The following EMP2 variants were observed in gnomAD, a reference collection of about 807,000 sequenced individuals.
EMP2 encodes epithelial membrane protein 2.
A neutral mutation model predicts 13.7 loss-of-function variants in EMP2; 19 were observed. The ratio of observed to expected loss-of-function variants is 1.38; its 90% CI spans 0.97 to 2.03. EMP2 has a LOEUF of 2.03. Ranked by LOEUF, EMP2 falls within the 30% of genes most tolerant of loss-of-function variation. The pLI is 0.00. For missense variants in EMP2, 253 were observed against 220.7 expected (o/e 1.15, Z -0.93); for synonymous variants, 97 against 84.7 (o/e 1.15, Z -0.80).
At chr16:10,560,972 G>C (rs1176627932) in intron 1 of EMP2, among the ~76,000 whole-genome samples, 2 of 152,218 alleles carry the variant, frequency 1.3e-5, no homozygotes, top group Admixed American at 6.5e-5. Context: ...AAGCAGAAAA[G>C]GCATGATCTG....
chr16:10,580,095 A>G lies in EMP2; in HGVS notation c.-61+454T>C, dbSNP rs1415796480. On this transcript the variant is annotated intron_variant, in intron 1 of 4. Transcript: ENST00000359543. The surrounding 1 kb of genome is among the most constrained non-coding windows in gnomAD (Gnocchi z 4.3). ...TCGCCGCTCGGGGGCGCGACGGAGCAGCGGCGGGGGCCTAGAGGGGTACGC... is the reference window on the plus strand; with the variant it reads ...TCGCCGCTCGGGGGCGCGACGGAGCGGCGGCGGGGGCCTAGAGGGGTACGC... 6.6e-6 allele frequency among the ~76,000 whole-genome samples: 1 copy of G among 152,082 alleles called. No homozygotes were observed. Among genetic ancestry groups the G allele is most frequent in the Non-Finnish European group, 1.5e-5 (1 of 68,014 alleles).
intron 1 of EMP2, among the ~76,000 whole-genome samples, chr16:10,553,007 C>T (rs143930470): frequency 1.9e-3 from 295 of 152,338 alleles, no homozygotes; most frequent in African/African-American, 6.6e-3. Flanking sequence ...TAAAGGTCTC[C>T]TATGACATCT....
chr16:10,553,363 C>T (rs978741771), intron 1 of EMP2, among the ~76,000 whole-genome samples: 47 of 152,292 alleles, frequency 3.1e-4, no homozygotes, highest in Middle Eastern at 3.4e-3. Context: ...ACCAGAGTAA[C>T]ACTCTCTGCC....
chr16:10,528,534 G>C lies in EMP2; in HGVS notation c.*4371C>G, dbSNP rs1472948075. 6.6e-6 allele frequency: 1 copy of C among 152,206 alleles called. No homozygotes were observed. The highest frequency in any genetic ancestry group is 2.4e-5 in the African/African-American group (1 of 41,438). The allele number at this position is 152,206 out of a possible 1,614,324, so 9.4% of individuals were successfully genotyped here. A position where few individuals can be genotyped will look rare whatever the true frequency, so the allele number is the denominator to read the frequency against. On this transcript the variant is annotated 3_prime_UTR_variant, in exon 5 of 5. Coordinates refer to ENST00000359543, the MANE Select transcript of EMP2 (RefSeq NM_001424.6). ...CTCAAAATGGCAGCATTCTGCCCTA[G>C]ATGTCATCACCGTTGGGAACATTAG...
intron 1 of EMP2, among the ~76,000 whole-genome samples, chr16:10,548,338 A>G (rs1043686953): frequency 2.6e-5 from 4 of 152,194 alleles, no homozygotes; most frequent in South Asian, 2.1e-4. Flanking sequence ...CCCCTACTTC[A>G]TAACAAAGCA....
chr16:10,531,751 GAATGAA>G lies in EMP2; in HGVS notation c.*1148_*1153del, dbSNP rs2050604791. The G allele has an allele frequency of 1.7e-4, 2 of 11,820 alleles. No individual in the cohort carries two copies. Among genetic ancestry groups the G allele is most frequent in the Non-Finnish European group, 4.0e-4 (2 of 5,018 alleles). The allele number at this position is 11,820 out of a possible 1,614,324, so 0.7% of individuals were successfully genotyped here. A position where few individuals can be genotyped will look rare whatever the true frequency, so the allele number is the denominator to read the frequency against. ...CATGCAAGTTATGATTTATGTTGAT[GAATGAA>G]TGAATGAATGAATGAATGAATGAAT... is the stretch of plus-strand genomic sequence containing the variant. On this transcript the variant is annotated 3_prime_UTR_variant, in exon 5 of 5. Coordinates refer to ENST00000359543, the MANE Select transcript of EMP2 (RefSeq NM_001424.6).
chr16:10,553,980 G>C (rs997263436), intron 1 of EMP2, among the ~76,000 whole-genome samples: 5 of 151,950 alleles, frequency 3.3e-5, no homozygotes, highest in Non-Finnish European at 7.4e-5. Flanking sequence ...TACTGTGTCA[G>C]CCCTGATCTT....
At chr16:10,545,266 A>G (rs1450655520) in intron 2 of EMP2, 1 of 152,272 alleles carries the variant, frequency 6.6e-6, no homozygotes, top group African/African-American at 2.4e-5. Context: ...AGATTCTAAA[A>G]GAACATTCGG....
intron 1 of EMP2, among the ~76,000 whole-genome samples, chr16:10,549,221 A>C (rs186723213): frequency 1.2e-4 from 18 of 152,344 alleles, no homozygotes; most frequent in Non-Finnish European, 1.5e-4. Context: ...GTGACATACA[A>C]GAGGAAGCAA....
rs771578210 is a variant in EMP2 at position 10,538,020 on chromosome 16, C to G, written c.224G>C (p.Cys75Ser). ...CACGAAGATGAAGAAGGCGATGCAG[C>G]AGAGAATGGTGGAGAGGATCATGGT... is the stretch of plus-strand genomic sequence containing the variant. ...QATMILSTIL[C>S]CIAFFIFVLQ... Residue 75 changes from cysteine (C) to serine (S), a missense_variant, in exon 4 of 5, where the codon TGC becomes TCC. By Grantham distance (112) the Cys-to-Ser change is moderately radical. Transcript: ENST00000359543. 1.2e-6 allele frequency: 2 copies of G among 1,614,072 alleles called. No homozygotes were observed. The highest frequency in any genetic ancestry group is 2.2e-5 in the South Asian group (2 of 91,074).
Position 10,571,584 on chromosome 16 carries a change from A to T in EMP2, c.-61+8965T>A, listed in dbSNP as rs571003988. 5.9e-5 allele frequency among the ~76,000 whole-genome samples: 9 copies of T among 152,304 alleles called. No homozygotes were observed. In the South Asian group the frequency reaches 1.9e-3, roughly 32 times the overall value. On this transcript the variant is annotated intron_variant, in intron 1 of 4. Transcript: ENST00000359543. ...TTAGGAGCAGTTGAAACTACTGAAG[A>T]ATTTTAAGTGGGGCAGGGGAAGAGT...
intron 1 of EMP2, among the ~76,000 whole-genome samples, chr16:10,551,851 C>T (rs2050790896): frequency 6.6e-6 from 1 of 152,132 alleles, no homozygotes; most frequent in Non-Finnish European, 1.5e-5. Context: ...CCATTATCCC[C>T]CCACGGAATG....
intron 1 of EMP2, among the ~76,000 whole-genome samples, chr16:10,557,923 G>A (rs1162595152): frequency 6.6e-6 from 1 of 152,086 alleles, no homozygotes; most frequent in Non-Finnish European, 1.5e-5. Context: ...GTGGGGCTGT[G>A]GAGGAGGAAC....
intron 1 of EMP2, among the ~76,000 whole-genome samples, chr16:10,569,592 T>G (rs1230820670): frequency 6.6e-6 from 1 of 152,158 alleles, no homozygotes; most frequent in African/African-American, 2.4e-5. Context: ...AGTGCTGAGT[T>G]TACAGGCATG....
chr16:10,535,198 C>G (rs536719233), intron 4 of EMP2, among the ~76,000 whole-genome samples: 1 of 152,274 alleles, frequency 6.6e-6, no homozygotes, highest in Admixed American at 6.5e-5. Context: ...ATTAAACACT[C>G]TGCAGTTTGA....
intron 2 of EMP2, chr16:10,546,645 G>A (rs945632760): frequency 3.3e-5 from 5 of 152,126 alleles, no homozygotes; most frequent in Admixed American, 2.0e-4. Flanking sequence ...CTAGGGCAGC[G>A]GTCCTCAACA....
chr16:10,561,074 T>C (rs2050867956), intron 1 of EMP2, among the ~76,000 whole-genome samples: 1 of 152,034 alleles, frequency 6.6e-6, no homozygotes, highest in African/African-American at 2.4e-5. Context: ...TGAGAAATGA[T>C]GAGGGTCTCA....
In EMP2 at chr16:10,532,169, C is replaced by A. The variant is rs897829027; in HGVS notation, c.*736G>T. On this transcript the variant is annotated 3_prime_UTR_variant, in exon 5 of 5. Coordinates refer to ENST00000359543, the MANE Select transcript of EMP2 (RefSeq NM_001424.6). Reference sequence around the variant, plus strand: ...GAAATGCAGATTCCCTGGCCCCATCCCTTGAAGACTCTGATTCTGTAGGTC... The same window carrying A: ...GAAATGCAGATTCCCTGGCCCCATCACTTGAAGACTCTGATTCTGTAGGTC... The A allele has an allele frequency of 5.2e-5, 8 of 153,000 alleles. No homozygotes were observed. Among genetic ancestry groups the A allele is most frequent in the African/African-American group, 1.7e-4 (7 of 40,712 alleles). 9.5% of individuals were successfully genotyped at this position (153,000 alleles called of 1,614,324 possible).
intron 1 of EMP2, among the ~76,000 whole-genome samples, chr16:10,564,490 CAAAAAAAAAAAAA>C (rs34683301): frequency 1.4e-5 from 1 of 70,884 alleles, no homozygotes; most frequent in Non-Finnish European, 2.9e-5. Flanking sequence ...GACTCTGTCT[CAAAAAAAAAAAAA>C]AAAAAAAAGG....
Sources: allele counts gnomAD v4.1 joint callset (sites outside exome capture counted in the v4.1 genomes callset), GRCh38; gene constraint gnomAD v4.1.1; non-coding constraint Gnocchi (gnomAD v3.1); transcripts MANE v1.5; gene names NCBI Gene and HGNC (gene_info 2026-07-23, HGNC 2026-07-21).